KICS2: variants seen among roughly 807,000 people sequenced by gnomAD.
KICS2 encodes the protein KICSTOR subunit 2, also known as KICSTOR complex protein C12orf66.
Under a neutral mutation model 31.4 loss-of-function variants are expected in KICS2, and 13 were observed. The observed-to-expected ratio is 0.41, with a 90% CI of 0.27 to 0.66. The LOEUF (loss-of-function observed/expected upper bound fraction) is 0.66, where lower values mean the gene tolerates loss of function less well. Among genes scored for constraint, KICS2 ranks in the 30% least tolerant of loss-of-function variants. The pLI is 0.28. For missense variants in KICS2, 455 were observed against 545.4 expected, an observed-to-expected ratio of 0.83 and a Z score of 1.65; for synonymous variants, 209 against 214.8, an observed-to-expected ratio of 0.97 and a Z score of 0.24.
chr12:64,213,246 G>A (rs999228846), intron 2 of KICS2, among the ~76,000 whole-genome samples: 1 of 152,026 alleles, frequency 6.6e-6, no homozygotes, highest in Admixed American at 6.6e-5. Flanking sequence ...TGCTTCCTAG[G>A]TCTTCTGAAG....
At chr12:64,186,791 G>A (rs946315025), downstream of KICS2, 2 of 152,132 alleles carry the variant, frequency 1.3e-5, no homozygotes, top group Admixed American at 6.5e-5. Flanking sequence ...CATCAACCAA[G>A]CAGACACCAT....
At chr12:64,196,444 A>C (rs1418609993) in intron 2 of KICS2, among the ~76,000 whole-genome samples, 6 of 150,040 alleles carry the variant, frequency 4.0e-5, no homozygotes, top group African/African-American at 1.5e-4. Flanking sequence ...CCGAAAACCC[A>C]TCTGTACATC....
intron 2 of KICS2, among the ~76,000 whole-genome samples, chr12:64,205,685 GGAA>G: frequency 7.5e-6 from 1 of 132,520 alleles, no homozygotes; most frequent in Non-Finnish European, 1.6e-5. Flanking sequence ...AAGGAAGGAA[GGAA>G]GAAGGAAGGA....
intron 2 of KICS2, 28 bp from the exon 3 acceptor site, chr12:64,194,686 G>A: frequency 1.3e-6 from 2 of 1,565,618 alleles, no homozygotes; most frequent in Non-Finnish European, 1.7e-6. Flanking sequence ...ATAGAGATAA[G>A]TGGAAATGTT....
At chr12:64,188,292 G>A (rs936508309), downstream of KICS2, among the ~76,000 whole-genome samples, 2 of 152,150 alleles carry the variant, frequency 1.3e-5, no homozygotes, top group Admixed American at 6.5e-5. Context: ...GGGAGGCCTA[G>A]GTGGGCAGAT....
chr12:64,202,510 A>G (rs911222823), intron 2 of KICS2, among the ~76,000 whole-genome samples: 1 of 151,836 alleles, frequency 6.6e-6, no homozygotes, highest in African/African-American at 2.4e-5. Context: ...ACTATGTACA[A>G]TGTACTCTGC....
Position 64,191,892 on chromosome 12 carries a change from TAGTG to T in KICS2, c.*1946_*1949del, listed in dbSNP as rs973015842. ...GAGTTTGAGTCCAGCCCGAGCAACATAGTGAGACCCAGGTGTGATGGCTCATGCC... is the reference window on the plus strand; with the variant it reads ...GAGTTTGAGTCCAGCCCGAGCAACATAGACCCAGGTGTGATGGCTCATGCC... On this transcript the variant is annotated 3_prime_UTR_variant, in exon 3 of 3. Coordinates refer to ENST00000398055, the MANE Select transcript of KICS2 (RefSeq NM_152440.5). 3 of 151,774 alleles carry T rather than the reference TAGTG, an allele frequency of 2.0e-5. No homozygotes were observed. Among genetic ancestry groups the T allele is most frequent in the African/African-American group, 7.3e-5 (3 of 41,306 alleles). The allele number at this position is 151,774 out of a possible 1,614,324, so 9.4% of individuals were successfully genotyped here.
chr12:64,207,058 A>C (rs790012), intron 2 of KICS2, among the ~76,000 whole-genome samples: 73,441 of 151,834 alleles, frequency 0.48, 17,922 homozygotes, highest in Non-Finnish European at 0.52. Flanking sequence ...TAATCCCAGC[A>C]CTTTGGGAGG....
intron 1 of KICS2, among the ~76,000 whole-genome samples, chr12:64,218,675 G>C (rs2037652315): frequency 6.6e-6 from 1 of 150,888 alleles, no homozygotes; most frequent in South Asian, 2.1e-4. Context: ...CATTGAAAAA[G>C]GGATATCATC....
downstream of KICS2, among the ~76,000 whole-genome samples, chr12:64,188,308 G>A (rs894877412): frequency 3.3e-5 from 5 of 152,140 alleles, 1 homozygote; most frequent in South Asian, 1.0e-3. Flanking sequence ...CAGATCACCT[G>A]AGGTCAGGAG....
chr12:64,204,132 C>G (rs2037515936), intron 2 of KICS2, among the ~76,000 whole-genome samples: 1 of 152,252 alleles, frequency 6.6e-6, no homozygotes, highest in Admixed American at 6.5e-5. Context: ...TGCATGTTCT[C>G]ACTTATAAGC....
At chr12:64,206,686 A>G (rs1258330392) in intron 2 of KICS2, among the ~76,000 whole-genome samples, 1 of 152,220 alleles carries the variant, frequency 6.6e-6, no homozygotes, top group Non-Finnish European at 1.5e-5. Flanking sequence ...GTACATACAT[A>G]CAAATGGAAT....
intron 2 of KICS2, among the ~76,000 whole-genome samples, chr12:64,195,750 T>G (rs1176977664): frequency 6.6e-6 from 1 of 152,220 alleles, no homozygotes; most frequent in Non-Finnish European, 1.5e-5. Flanking sequence ...GCACGCACCG[T>G]GCGCGAGCCG....
chr12:64,215,599 G>T, intron 2 of KICS2, 79 bp downstream of exon 2: 1 of 1,201,530 alleles, frequency 8.3e-7, no homozygotes, highest in South Asian at 1.5e-5. Flanking sequence ...ATTTTCATAA[G>T]AGTGTGGAGA....
intron 2 of KICS2, among the ~76,000 whole-genome samples, chr12:64,209,610 T>G (rs2037566974): frequency 6.6e-6 from 1 of 152,190 alleles, no homozygotes; most frequent in South Asian, 2.1e-4. Flanking sequence ...GTTATAAATT[T>G]ACCAAAAAGG....
At chr12:64,190,062 T>C (rs1443037859), downstream of KICS2, among the ~76,000 whole-genome samples, 3 of 152,142 alleles carry the variant, frequency 2.0e-5, no homozygotes, top group Non-Finnish European at 1.5e-5. Context: ...GATTCTAAAA[T>C]AGGAAGAGTG....
chr12:64,208,015 G>T (rs1015880811), intron 2 of KICS2, among the ~76,000 whole-genome samples: 2 of 152,062 alleles, frequency 1.3e-5, no homozygotes, highest in Non-Finnish European at 2.9e-5. Context: ...AATCCTCAAT[G>T]ATTTCTCTTT....
chr12:64,203,864 C>T (rs941571970), intron 2 of KICS2, among the ~76,000 whole-genome samples: 1 of 152,194 alleles, frequency 6.6e-6, no homozygotes, highest in Non-Finnish European at 1.5e-5. Flanking sequence ...CAACATCCTT[C>T]CAGCTGAGGA....
In KICS2 at chr12:64,193,859, G is replaced by A. The variant is rs1336284460; in HGVS notation, c.1321C>T (p.Pro441Ser). The A allele has an allele frequency of 1.2e-6, 2 of 1,613,094 alleles. No individual in the cohort carries two copies. The highest frequency in any genetic ancestry group is 8.5e-7 in the Non-Finnish European group (1 of 1,179,540). ...KNPKVFASLK[P>S]GAKG ...ATCACCTGCTAACCTTTGGCTCCAG[G>A]TTTCAGACTTGCAAACACTTTGGGG... The change falls in exon 3 of 3, where the codon CCT becomes TCT. Residue 441 changes from proline to serine, a missense_variant. Pro to Ser is a moderately conservative substitution (Grantham distance 74, BLOSUM62 -1). Transcript: ENST00000398055.
Sources: allele counts gnomAD v4.1 joint callset (sites outside exome capture counted in the v4.1 genomes callset), GRCh38; gene constraint gnomAD v4.1.1; transcripts MANE v1.5; gene names NCBI Gene and HGNC (gene_info 2026-07-23, HGNC 2026-07-21).